Variants in PSMA1 observed in about 807,000 individuals in gnomAD.
PSMA1 encodes the protein proteasome subunit alpha type-1.
Under a neutral mutation model 38.4 loss-of-function variants are expected in PSMA1, and 3 were observed. That is an observed-to-expected ratio of 0.08 (90% CI 0.04 to 0.20). The LOEUF (loss-of-function observed/expected upper bound fraction) is 0.20. Ranked by LOEUF, PSMA1 falls within the 10% of genes least tolerant of loss-of-function variation. The probability of loss-of-function intolerance (pLI) is 1.00; values close to 1 mark genes in which losing one functional copy is unlikely to be tolerated. For missense variants in PSMA1, 227 were observed against 325.3 expected (o/e 0.70, Z 2.32); for synonymous variants, 101 against 107.1 (o/e 0.94, Z 0.35).
intron 1 of PSMA1, among the ~76,000 whole-genome samples, chr11:14,620,708 T>C (rs1308723156): frequency 3.9e-5 from 6 of 152,232 alleles, no homozygotes; most frequent in Admixed American, 6.5e-5. Context: ...AAATTCTTCA[T>C]AGTGGCTCAA....
intron 8 of PSMA1, 48 bp downstream of exon 8, chr11:14,510,822 AGG>A (rs747877251): frequency 1.0e-4 from 138 of 1,314,904 alleles, no homozygotes; most frequent in Non-Finnish European, 1.4e-4. Flanking sequence ...TATGCAATAA[AGG>A]TTTAAACTGT....
At chr11:14,563,713 T>G (rs962125968) in intron 2 of PSMA1, among the ~76,000 whole-genome samples, 1 of 152,234 alleles carries the variant, frequency 6.6e-6, no homozygotes, top group Non-Finnish European at 1.5e-5. Context: ...ATGCCCATAA[T>G]TCTACCATTT....
At chr11:14,615,751 T>C (rs1457813059) in intron 1 of PSMA1, among the ~76,000 whole-genome samples, 2 of 152,244 alleles carry the variant, frequency 1.3e-5, no homozygotes, top group Non-Finnish European at 2.9e-5. Context: ...TTTAGATCTC[T>C]TTTTAACTGT....
chr11:14,594,429 T>C (rs1305917658), intron 2 of PSMA1, among the ~76,000 whole-genome samples: 1 of 152,148 alleles, frequency 6.6e-6, no homozygotes, highest in African/African-American at 2.4e-5. Context: ...AGGGGGGGGT[T>C]CAGCTTTACA....
chr11:14,598,596 G>A (rs1173376900), intron 2 of PSMA1, among the ~76,000 whole-genome samples: 5 of 115,814 alleles, frequency 4.3e-5, no homozygotes, highest in Admixed American at 3.9e-4. Flanking sequence ...CATTTGCTTG[G>A]TAGATCTTCC....
chr11:14,636,595 C>T (rs1419386184), intron 1 of PSMA1, among the ~76,000 whole-genome samples: 3 of 152,170 alleles, frequency 2.0e-5, no homozygotes, highest in Non-Finnish European at 4.4e-5. Flanking sequence ...TACCTCTAGC[C>T]CAGATTGTTT....
chr11:14,614,728 T>C (rs1214602390), intron 1 of PSMA1, among the ~76,000 whole-genome samples: 1 of 152,196 alleles, frequency 6.6e-6, no homozygotes, highest in East Asian at 1.9e-4. Context: ...CTTCAGAAAA[T>C]GCCTAGAATC....
chr11:14,569,914 A>G (rs1478277675), intron 2 of PSMA1, among the ~76,000 whole-genome samples: 1 of 152,242 alleles, frequency 6.6e-6, no homozygotes, highest in Non-Finnish European at 1.5e-5. Flanking sequence ...TGCCTCCTCA[A>G]GTGGGTCCCT....
At chr11:14,562,194 G>C (rs1177947721) in intron 2 of PSMA1, among the ~76,000 whole-genome samples, 1 of 152,212 alleles carries the variant, frequency 6.6e-6, no homozygotes, top group African/African-American at 2.4e-5. Context: ...AGATCTCAGG[G>C]AGCAGGACCA....
intron 1 of PSMA1, among the ~76,000 whole-genome samples, chr11:14,640,605 T>C (rs1853187001): frequency 6.6e-6 from 1 of 152,150 alleles, no homozygotes; most frequent in Non-Finnish European, 1.5e-5. Context: ...GAGGCTCAGA[T>C]TCTGAGATGA....
intron 2 of PSMA1, among the ~76,000 whole-genome samples, chr11:14,546,150 C>CTCT (rs941798313): frequency 1.4e-5 from 2 of 140,504 alleles, no homozygotes; most frequent in African/African-American, 5.3e-5. Flanking sequence ...CTCTCTCTCT[C>CTCT]TTTTTTTTTT....
intron 2 of PSMA1, among the ~76,000 whole-genome samples, chr11:14,576,067 A>AGT (rs1443148188): frequency 1.3e-5 from 2 of 152,140 alleles, no homozygotes. Context: ...TCTTTTGAGA[A>AGT]GTGTCTGTTC....
chr11:14,568,502 T>G (rs1049841585), intron 2 of PSMA1, among the ~76,000 whole-genome samples: 5 of 152,228 alleles, frequency 3.3e-5, no homozygotes, highest in African/African-American at 1.2e-4. Context: ...CTATCATAGC[T>G]TCTTTTCCTG....
chr11:14,596,651 C>T (rs559258536), intron 2 of PSMA1, among the ~76,000 whole-genome samples: 12 of 152,248 alleles, frequency 7.9e-5, no homozygotes, highest in Admixed American at 7.2e-4. Flanking sequence ...TGGGCTGAGA[C>T]GATGGGGTTT....
chr11:14,568,761 T>G (rs1852102949), intron 2 of PSMA1, among the ~76,000 whole-genome samples: 2 of 152,266 alleles, frequency 1.3e-5, no homozygotes, highest in South Asian at 4.1e-4. Flanking sequence ...GTGATAGCTC[T>G]TAGTGTCTTG....
chr11:14,582,674 G>A (rs1368187143), intron 2 of PSMA1, among the ~76,000 whole-genome samples: 1 of 148,358 alleles, frequency 6.7e-6, no homozygotes, highest in East Asian at 2.0e-4. Flanking sequence ...CACGCCAACA[G>A]GCCCAGCTAA....
upstream of PSMA1, among the ~76,000 whole-genome samples, chr11:14,521,870 A>G (rs577143700): frequency 1.1e-4 from 17 of 152,262 alleles, no homozygotes; most frequent in South Asian, 3.5e-3. Context: ...CTAATTCATC[A>G]ACACTGGTTA....
intron 2 of PSMA1, among the ~76,000 whole-genome samples, chr11:14,572,599 A>G (rs930032561): frequency 2.0e-5 from 3 of 152,240 alleles, no homozygotes; most frequent in African/African-American, 7.2e-5. Flanking sequence ...ATCACAATTA[A>G]AAGAACTAGA....
chr11:14,524,351 AAAG>A (rs1851563806), upstream of PSMA1, among the ~76,000 whole-genome samples: 2 of 152,144 alleles, frequency 1.3e-5, no homozygotes, highest in Admixed American at 1.3e-4. Context: ...AAGATTCACA[AAAG>A]AAGTGAAAAT....
Sources: allele counts gnomAD v4.1 joint callset (sites outside exome capture counted in the v4.1 genomes callset), GRCh38; gene constraint gnomAD v4.1.1; transcripts MANE v1.5; gene names NCBI Gene and HGNC (gene_info 2026-07-23, HGNC 2026-07-21).